Variants in GARNL3 observed in about 807,000 individuals in gnomAD.
GARNL3 encodes the protein GTPase-activating Rap/Ran-GAP domain-like protein 3.
Under a neutral mutation model 125.0 loss-of-function variants are expected in GARNL3, and 63 were observed. The observed-to-expected ratio is 0.50, with a 90% CI of 0.41 to 0.62. GARNL3 has a LOEUF of 0.62. GARNL3 is among the 20% of genes least tolerant of loss of function. The pLI, the probability that GARNL3 is intolerant of heterozygous loss-of-function variation, is 0.00. For missense variants in GARNL3, 994 were observed against 1,244.0 expected (o/e 0.80, Z 3.02); for synonymous variants, 439 against 457.5 (o/e 0.96, Z 0.52).
intron 2 of GARNL3, among the ~76,000 whole-genome samples, chr9:127,292,761 C>T (rs1209187884): frequency 6.6e-6 from 1 of 152,216 alleles, no homozygotes; most frequent in African/African-American, 2.4e-5. Flanking sequence ...CTGCCATACA[C>T]CAGAGGATAG....
At chr9:127,313,610 G>A in intron 4 of GARNL3, 51 bp downstream of exon 4, 5 of 1,157,892 alleles carry the variant, frequency 4.3e-6, no homozygotes, top group Non-Finnish European at 6.5e-6. Flanking sequence ...AGTTTCAGGA[G>A]ATAACCCCTG....
chr9:127,271,823 G>T (rs1234361089), intron 1 of GARNL3, among the ~76,000 whole-genome samples: 1 of 150,252 alleles, frequency 6.7e-6, no homozygotes, highest in Non-Finnish European at 1.5e-5. Flanking sequence ...ATCTACTGGT[G>T]ATTTCAAGTC....
At chr9:127,294,319 G>A (rs949431827) in intron 2 of GARNL3, among the ~76,000 whole-genome samples, 3 of 151,620 alleles carry the variant, frequency 2.0e-5, no homozygotes, top group Non-Finnish European at 4.4e-5. Flanking sequence ...CCCTCCCCCC[G>A]GCCAAGACAG....
At chr9:127,300,727 T>C (rs766497136) in intron 2 of GARNL3, 1 of 339,134 alleles carries the variant, frequency 2.9e-6, no homozygotes. Context: ...AGTGCTGGGA[T>C]TACAGGCGCG....
intron 2 of GARNL3, among the ~76,000 whole-genome samples, chr9:127,303,709 T>A (rs1384812582): frequency 1.9e-4 from 29 of 152,216 alleles, no homozygotes; most frequent in Admixed American, 1.9e-3. Flanking sequence ...GGATACCATT[T>A]GTATTCTGAG....
intron 2 of GARNL3, among the ~76,000 whole-genome samples, chr9:127,303,754 A>G (rs2064868511): frequency 6.6e-6 from 1 of 152,242 alleles, no homozygotes; most frequent in African/African-American, 2.4e-5. Context: ...CTTAAAGTCA[A>G]ATATTTGAGA....
intron 2 of GARNL3, among the ~76,000 whole-genome samples, chr9:127,254,531 G>T (rs1407560851): frequency 6.6e-6 from 1 of 152,156 alleles, no homozygotes; most frequent in East Asian, 1.9e-4. Flanking sequence ...CACTTTGGGA[G>T]GCCGAGGCAG....
chr9:127,311,761 G>A (rs1167480542), intron 3 of GARNL3, 26 bp downstream of exon 3: 3 of 1,461,308 alleles, frequency 2.1e-6, no homozygotes, highest in South Asian at 2.3e-5. Flanking sequence ...TGGTGGTAGG[G>A]AAGAAAGGGT....
intron 1 of GARNL3, among the ~76,000 whole-genome samples, chr9:127,265,394 G>A (rs1404453603): frequency 1.3e-5 from 2 of 151,962 alleles, no homozygotes; most frequent in African/African-American, 2.4e-5. Context: ...ATTGAAATAC[G>A]TATTCTGATT....
Position 127,338,019 on chromosome 9 carries a change from G to A in GARNL3, c.983-97G>A, listed in dbSNP as rs531350863. ...TGATAGGTGCCCTAAGCACAGAAGCGCTGGTCGAGAATGACTCTGCACAAG... is the reference window on the plus strand; with the variant it reads ...TGATAGGTGCCCTAAGCACAGAAGCACTGGTCGAGAATGACTCTGCACAAG... On this transcript the variant is annotated intron_variant, in intron 11 of 27. Transcript: ENST00000373387. 4.0e-5 allele frequency: 36 copies of A among 895,356 alleles called. No homozygotes were observed. In the East Asian group the frequency reaches 5.8e-4, roughly 14 times the overall value. The allele number at this position is 895,356 out of a possible 1,614,324, so 55.5% of individuals were successfully genotyped here.
chr9:127,287,338 C>T (rs2064279805), intron 1 of GARNL3, among the ~76,000 whole-genome samples: 1 of 152,024 alleles, frequency 6.6e-6, no homozygotes, highest in Non-Finnish European at 1.5e-5. Context: ...GCCAAATCTT[C>T]TCCCAAAAAA....
Position 127,339,702 on chromosome 9 carries a change from A to G in GARNL3, c.1086A>G (p.Pro362=). 1 of 1,613,900 alleles carries G rather than the reference A, an allele frequency of 6.2e-7. No homozygotes were observed. Among genetic ancestry groups the G allele is most frequent in the Non-Finnish European group, 8.5e-7 (1 of 1,179,780 alleles). ...TCTTTGGCCCTCCCTTGCCAACTCC[A>G]CCAGTGTTTACAGACCACCAGGAAT... ...VPLFGPPLPT[P]PVFTDHQEFR... The change falls in exon 13 of 28, where the codon CCA becomes CCG. Residue 362 remains proline, a synonymous_variant. Coordinates refer to ENST00000373387, the MANE Select transcript of GARNL3 (RefSeq NM_032293.5).
chr9:127,260,795 T>C (rs912171438), upstream of GARNL3, among the ~76,000 whole-genome samples: 5 of 152,214 alleles, frequency 3.3e-5, no homozygotes, highest in Non-Finnish European at 5.9e-5. Flanking sequence ...TGACAACCCC[T>C]GTTTGTGGAA....
chr9:127,382,608 T>C (rs1832326229), intron 22 of GARNL3, among the ~76,000 whole-genome samples: 1 of 151,948 alleles, frequency 6.6e-6, no homozygotes, highest in African/African-American at 2.4e-5. Flanking sequence ...CAAGACTCTG[T>C]CTCCAAAAAA....
chr9:127,252,736 T>A (rs773512186), intron 2 of GARNL3, among the ~76,000 whole-genome samples: 22 of 152,262 alleles, frequency 1.4e-4, no homozygotes, highest in Admixed American at 1.4e-3. Context: ...GTTTTGGAAT[T>A]TTTTGTTAAG....
At chr9:127,290,407 A>T (rs941711886) in intron 1 of GARNL3, among the ~76,000 whole-genome samples, 13 of 152,218 alleles carry the variant, frequency 8.5e-5, no homozygotes, top group African/African-American at 3.1e-4. Flanking sequence ...AGAGGTGAGA[A>T]GTGCCCCTCA....
chr9:127,312,672 A>G (rs1467384030), intron 3 of GARNL3, among the ~76,000 whole-genome samples: 1 of 152,194 alleles, frequency 6.6e-6, no homozygotes, highest in Non-Finnish European at 1.5e-5. Flanking sequence ...ATGAAATGAG[A>G]GTGAGCAGAC....
rs1056962202 is a variant in GARNL3 at position 127,341,478 on chromosome 9, T to C, written c.1136-741T>C. On this transcript the variant is annotated intron_variant, in intron 13 of 27. Transcript: ENST00000373387. ...ATCAAGCCAGAAAGCTGAAATTGTA[T>C]GTGAAATTGTCCGAGTCTCATGTGT... Among the ~76,000 whole-genome samples the C allele has an allele frequency of 2.6e-5, 4 of 152,200 alleles. No homozygotes were observed. The East Asian group carries it at 7.7e-4, about 29-fold the overall frequency.
In GARNL3 at chr9:127,332,173, C is replaced by T. The variant is rs1187030421; in HGVS notation, c.595-101C>T. The T allele has an allele frequency of 6.3e-6, 5 of 796,696 alleles. No homozygotes were observed. The Admixed American group carries it at 7.7e-5, about 12-fold the overall frequency. The allele number at this position is 796,696 out of a possible 1,614,324, so 49.4% of individuals were successfully genotyped here. A position where few individuals can be genotyped will look rare whatever the true frequency, so the allele number is the denominator to read the frequency against. On this transcript the variant is annotated intron_variant, in intron 7 of 27. Transcript: ENST00000373387. ...AGGAAGGGATCCCCTGACTGTCCAT[C>T]CTGGTGACTGCCATTGTGCTAAGTC...
Sources: gnomAD v4.1 joint callset for allele counts (sites outside exome capture counted in the v4.1 genomes callset) on GRCh38, gnomAD v4.1.1 for gene constraint, MANE v1.5 for transcripts, NCBI Gene and HGNC (gene_info 2026-07-23, HGNC 2026-07-21) for gene names.